Variants in CFAP20DC observed in about 807,000 individuals in gnomAD.
The protein encoded by CFAP20DC is protein CFAP20DC.
In CFAP20DC, 84 loss-of-function variants were observed where a neutral mutation model predicts 101.7. That is an observed-to-expected ratio of 0.83 (90% confidence interval 0.69 to 0.99). The LOEUF is 0.99. Among genes scored for constraint, CFAP20DC ranks in the 50% least tolerant of loss-of-function variants. The pLI is 0.00. For missense variants in CFAP20DC, 1,007 were observed against 970.3 expected (o/e 1.04, Z -0.50); for synonymous variants, 359 against 351.2 (o/e 1.02, Z -0.25).
chr3:58,743,854 T>G (rs2068018685), intron 16 of CFAP20DC, among the ~76,000 whole-genome samples: 1 of 150,804 alleles, frequency 6.6e-6, no homozygotes, highest in South Asian at 2.1e-4. Flanking sequence ...GAAGTGGGGG[T>G]TTAAAACTGT....
intron 7 of CFAP20DC, among the ~76,000 whole-genome samples, chr3:58,871,050 C>T (rs769055505): frequency 6.6e-5 from 10 of 151,892 alleles, no homozygotes; most frequent in Non-Finnish European, 1.5e-4. Context: ...TCCTAGAGGC[C>T]GTCAGTGACA....
intron 5 of CFAP20DC, among the ~76,000 whole-genome samples, chr3:58,934,150 G>T (rs1161211705): frequency 2.0e-5 from 3 of 152,178 alleles, no homozygotes; most frequent in Non-Finnish European, 4.4e-5. Context: ...ACACCTCTAT[G>T]CAAATAAACT....
chr3:58,763,268 G>T (rs1030887354), intron 15 of CFAP20DC, among the ~76,000 whole-genome samples: 1 of 151,250 alleles, frequency 6.6e-6, no homozygotes, highest in Non-Finnish European at 1.5e-5. Flanking sequence ...AACTTTTCTT[G>T]TCGCTTCATT....
rs2067484815 is a variant in CFAP20DC, at chr3:58,722,352, T to TA, written c.198-4725dup. On this transcript the variant is annotated intron_variant, in intron 3 of 3. Coordinates refer to the CFAP20DC transcript ENST00000486145. The surrounding 1 kb of genome is among the most constrained non-coding windows in gnomAD (Gnocchi z 4.5). ...GTGTACTACTATGGTAGTGGTCTTA[T>TA]ATCACTCAAGTTTGGGGTGGTTTGT... 6.6e-6 allele frequency among the ~76,000 whole-genome samples: 1 copy of TA among 152,162 alleles called. No individual in the cohort carries two copies. The highest frequency in any genetic ancestry group is 1.5e-5 in the Non-Finnish European group (1 of 68,022).
chr3:58,741,454 A>G (rs1304912524), downstream of CFAP20DC, among the ~76,000 whole-genome samples: 1 of 151,940 alleles, frequency 6.6e-6, no homozygotes, highest in Non-Finnish European at 1.5e-5. Flanking sequence ...TTCTATATAG[A>G]TCTAGATGAA....
intron 15 of CFAP20DC, among the ~76,000 whole-genome samples, chr3:58,804,648 C>T (rs1559612618): frequency 6.6e-6 from 1 of 152,302 alleles, no homozygotes; most frequent in East Asian, 1.9e-4. Context: ...TAGGCATGAG[C>T]CACCATGCCT....
intron 4 of CFAP20DC, among the ~76,000 whole-genome samples, chr3:59,003,389 T>C (rs2093359245): frequency 6.6e-6 from 1 of 152,182 alleles, no homozygotes; most frequent in African/African-American, 2.4e-5. Flanking sequence ...TGCTTCAGAA[T>C]AGCAAGTTAT....
chr3:58,753,609 C>A lies in CFAP20DC; in HGVS notation c.2332+160G>T, dbSNP rs1575552652. 6 of 590,250 alleles carry A rather than the reference C, an allele frequency of 1.0e-5. No individual in the cohort carries two copies. The East Asian group carries it at 1.9e-4, about 19-fold the overall frequency. The allele number at this position is 590,250 out of a possible 1,614,324, so 36.6% of individuals were successfully genotyped here. A position where few individuals can be genotyped will look rare whatever the true frequency, so the allele number is the denominator to read the frequency against. ...ATCTTCTTTTTAGTTGTAAAGAACC[C>A]ATTATTCTAAAAAATGAGGCTCAGG... On this transcript the variant is annotated intron_variant, in intron 16 of 16. Transcript: ENST00000482387.
intron 6 of CFAP20DC, among the ~76,000 whole-genome samples, chr3:58,898,277 C>T (rs754372417): frequency 1.3e-5 from 2 of 151,778 alleles, no homozygotes; most frequent in Non-Finnish European, 2.9e-5. Context: ...CAGGTTTAAG[C>T]GATTCCCCTG....
intron 4 of CFAP20DC, among the ~76,000 whole-genome samples, chr3:58,943,456 C>A (rs2088910128): frequency 6.6e-6 from 1 of 152,118 alleles, no homozygotes. Context: ...CTTCAGAAAA[C>A]TTCAGCAGAC....
intron 15 of CFAP20DC, among the ~76,000 whole-genome samples, chr3:58,759,796 T>C (rs1246249462): frequency 1.3e-5 from 2 of 152,244 alleles, no homozygotes; most frequent in Non-Finnish European, 2.9e-5. Context: ...TAGGTAATCC[T>C]TTCCCCATTG....
chr3:58,809,131 C>T lies in CFAP20DC; in HGVS notation c.2176-2675G>A, dbSNP rs543278466. ...AATAATAATGGGAGACTTTAGCACC[C>T]CACTGTCAACATTAGACAGAAAGTT... On this transcript the variant is annotated intron_variant, in intron 14 of 16. Coordinates refer to ENST00000482387, the MANE Select transcript of CFAP20DC (RefSeq NM_001394063.1). Among the ~76,000 whole-genome samples, 144 of 152,070 alleles carry T rather than the reference C, an allele frequency of 9.5e-4. No homozygotes were observed. The Middle Eastern group carries it at 0.01, about 11-fold the overall frequency.
chr3:58,860,813 T>C (rs2079186186), intron 12 of CFAP20DC, among the ~76,000 whole-genome samples: 1 of 152,212 alleles, frequency 6.6e-6, no homozygotes, highest in African/African-American at 2.4e-5. Context: ...AAGCACTCTA[T>C]TTTAATAGCT....
intron 15 of CFAP20DC, among the ~76,000 whole-genome samples, chr3:58,781,961 G>A (rs1046841705): frequency 6.6e-6 from 1 of 151,872 alleles, no homozygotes; most frequent in African/African-American, 2.4e-5. Context: ...ATCAGACAAT[G>A]ACACAACAAA....
intron 6 of CFAP20DC, among the ~76,000 whole-genome samples, chr3:58,888,628 T>C (rs1254850927): frequency 2.6e-5 from 4 of 152,172 alleles, no homozygotes. Flanking sequence ...TTCTCATCAT[T>C]CAGCTCCCAC....
At position 58,863,795 on chromosome 3, in the gene CFAP20DC, G is replaced by A. The variant is rs1301835919; in HGVS notation, c.1356C>T (p.His452=). Residue 452 remains histidine, a synonymous_variant, in exon 12 of 17, where the codon CAC becomes CAT. Coordinates refer to ENST00000482387, the MANE Select transcript of CFAP20DC (RefSeq NM_001394063.1). This position sits in a 1 kb window ranked among gnomAD's most constrained non-coding sequence, Gnocchi z 5.9. ...LLGDDSCNPS[H]LWLEASKESE... is the part of the protein sequence containing the mutation. ...TCTCTTTGCTGGCTTCCAGCCACAG[G>A]TGTGATGGGTTGCAGGAGTCATCAC... 2.5e-6 allele frequency: 4 copies of A among 1,614,078 alleles called. No individual in the cohort carries two copies. Among genetic ancestry groups the A allele is most frequent in the Non-Finnish European group, 3.4e-6 (4 of 1,180,048 alleles).
At chr3:58,984,332 A>C (rs1392622873) in intron 4 of CFAP20DC, among the ~76,000 whole-genome samples, 1 of 152,166 alleles carries the variant, frequency 6.6e-6, no homozygotes, top group Non-Finnish European at 1.5e-5. Flanking sequence ...CTGTGAACTT[A>C]GTGGTGATGG....
chr3:58,862,660 T>A, intron 12 of CFAP20DC: 1 of 983,766 alleles, frequency 1.0e-6, no homozygotes, highest in Non-Finnish European at 1.2e-6. Flanking sequence ...CAAAAAGGAT[T>A]CTTAATCAGT....
intron 4 of CFAP20DC, among the ~76,000 whole-genome samples, chr3:58,976,939 T>G (rs1487810358): frequency 1.3e-5 from 2 of 152,174 alleles, no homozygotes; most frequent in African/African-American, 4.8e-5. Flanking sequence ...ACTAAACTAT[T>G]TGGGGAAATA....
Sources: allele counts gnomAD v4.1 joint callset (sites outside exome capture counted in the v4.1 genomes callset), GRCh38; gene constraint gnomAD v4.1.1; non-coding constraint Gnocchi (gnomAD v3.1); transcripts MANE v1.5; gene names NCBI Gene and HGNC (gene_info 2026-07-23, HGNC 2026-07-21).